Variants in KIAA2013 observed in about 807,000 individuals in gnomAD.
The protein encoded by KIAA2013 is uncharacterized protein KIAA2013.
Under a neutral mutation model 39.9 loss-of-function variants are expected in KIAA2013, and 20 were observed. The observed-to-expected ratio is 0.50, with a 90% CI of 0.35 to 0.73. KIAA2013 has a LOEUF of 0.73. Among genes scored for constraint, KIAA2013 ranks in the 30% least tolerant of loss-of-function variants. The pLI, the probability that KIAA2013 is intolerant of heterozygous loss-of-function variation, is 0.01. For synonymous variants in KIAA2013, 336 were observed against 416.6 expected (o/e 0.81, Z 2.35); for missense variants, 587 against 856.1 (o/e 0.69, Z 3.92).
At chr1:11,922,364 T>C in intron 2 of KIAA2013, 4 of 1,427,052 alleles carry the variant, frequency 2.8e-6, no homozygotes, top group Non-Finnish European at 3.7e-6. Flanking sequence ...TTGCAGTTAT[T>C]TTTAAATGCT....
Position 11,923,880 on chromosome 1 carries a change from T to G in KIAA2013, c.1034-391A>C, listed in dbSNP as rs1158571469. On this transcript the variant is annotated intron_variant, in intron 1 of 2. Coordinates refer to ENST00000376572, the MANE Select transcript of KIAA2013 (RefSeq NM_138346.3). The surrounding 1 kb of genome is among the most constrained non-coding windows in gnomAD (Gnocchi z 4.6). Reference sequence around the variant, plus strand: ...CTTGTAGCTTTATGTATGTATGTATTTATTTGTTTATTGAGACAGAGTCTC... The same window carrying G: ...CTTGTAGCTTTATGTATGTATGTATGTATTTGTTTATTGAGACAGAGTCTC... Among the ~76,000 whole-genome samples, 1 of 152,192 alleles carries G rather than the reference T, an allele frequency of 6.6e-6. No individual in the cohort carries two copies. Among genetic ancestry groups the G allele is most frequent in the African/African-American group, 2.4e-5 (1 of 41,440 alleles).
At chr1:11,920,822 C>A (rs1409110592) in intron 2 of KIAA2013, among the ~76,000 whole-genome samples, 1 of 152,232 alleles carries the variant, frequency 6.6e-6, no homozygotes, top group Non-Finnish European at 1.5e-5. Flanking sequence ...CTGTCTCCCA[C>A]TCTTCTGCTC....
intron 2 of KIAA2013, chr1:11,922,243 G>T: frequency 1.5e-6 from 1 of 669,678 alleles, no homozygotes; most frequent in Non-Finnish European, 2.1e-6. Context: ...CAGCTAGAGT[G>T]CAATGACACA....
Position 11,923,758 on chromosome 1 carries a change from G to T in KIAA2013, c.1034-269C>A, listed in dbSNP as rs1360424286. Among the ~76,000 whole-genome samples the T allele has an allele frequency of 2.6e-5, 4 of 152,188 alleles. No homozygotes were observed. Among genetic ancestry groups the T allele is most frequent in the Admixed American group, 6.5e-5 (1 of 15,276 alleles). On this transcript the variant is annotated intron_variant, in intron 1 of 2. Transcript: ENST00000376572. This position sits in a 1 kb window ranked among gnomAD's most constrained non-coding sequence, Gnocchi z 4.6. ...GGAACACAGACTTAGCCAGGACTTG[G>T]CACCAACCCTATGGTCAGACATCCT... is the stretch of plus-strand genomic sequence containing the variant.
chr1:11,923,594 A>G lies in KIAA2013; in HGVS notation c.1034-105T>C, dbSNP rs199954332. ...CAGAAGAGTGAGGTGTTGTGCCTTAATGATAAAGACAGTGGTGCCCATCTC... is the reference window on the plus strand; with the variant it reads ...CAGAAGAGTGAGGTGTTGTGCCTTAGTGATAAAGACAGTGGTGCCCATCTC... On this transcript the variant is annotated intron_variant, in intron 1 of 2. Transcript: ENST00000376572. This position sits in a 1 kb window ranked among gnomAD's most constrained non-coding sequence, Gnocchi z 4.6. 1.2e-5 allele frequency: 15 copies of G among 1,214,524 alleles called. No individual in the cohort carries two copies. The East Asian group carries it at 2.3e-4, about 19-fold the overall frequency. 75.2% of individuals were successfully genotyped at this position (1,214,524 alleles called of 1,614,324 possible). A position where few individuals can be genotyped will look rare whatever the true frequency, so the allele number is the denominator to read the frequency against.
rs571506794 is a variant in KIAA2013, at chr1:11,923,364, G to T, written c.1159C>A (p.Arg387=). 1 of 1,613,032 alleles carries T rather than the reference G, an allele frequency of 6.2e-7. No individual in the cohort carries two copies. The highest frequency in any genetic ancestry group is 8.5e-7 in the Non-Finnish European group (1 of 1,180,012). Residue 387 remains arginine (R), a synonymous_variant, in exon 2 of 3, where the codon CGA becomes AGA. Coordinates refer to ENST00000376572, the MANE Select transcript of KIAA2013 (RefSeq NM_138346.3). This position sits in a 1 kb window ranked among gnomAD's most constrained non-coding sequence, Gnocchi z 4.6. ...TTGAGCGTCGACTCCATCTGGTCTCGCTCCCTGTGGCTCAGGGAGGGGCTG... is the reference window on the plus strand; with the variant it reads ...TTGAGCGTCGACTCCATCTGGTCTCTCTCCCTGTGGCTCAGGGAGGGGCTG... ...LLSPSLSHRE[R]DQMESTLNYE...
At position 11,926,155 on chromosome 1, in the gene KIAA2013, A is replaced by G; in HGVS notation, c.83T>C (p.Leu28Pro). Residue 28 changes from leucine to proline, a missense_variant, in exon 1 of 3, where the codon CTC becomes CCC. By Grantham distance (98) the Leu-to-Pro change is moderately conservative. Coordinates refer to ENST00000376572, the MANE Select transcript of KIAA2013 (RefSeq NM_138346.3). ...CCCAAACCACAGAAGCAGCAGCAGG[A>G]GGCCAAGCAGGCAGAGGAGGCGGCG... is the stretch of plus-strand genomic sequence containing the variant. ...WARRLLCLLG[L>P]LLLLLWFGGS... 7.1e-7 allele frequency: 1 copy of G among 1,401,058 alleles called. No individual in the cohort carries two copies. The highest frequency in any genetic ancestry group is 9.3e-7 in the Non-Finnish European group (1 of 1,071,094). The allele number at this position is 1,401,058 out of a possible 1,614,324, so 86.8% of individuals were successfully genotyped here. A position where few individuals can be genotyped will look rare whatever the true frequency, so the allele number is the denominator to read the frequency against.
rs374802025 is a variant in KIAA2013 at position 11,923,440 on chromosome 1, G to A, written c.1083C>T (p.Thr361=). 39 of 1,610,614 alleles carry A rather than the reference G, an allele frequency of 2.4e-5. No individual in the cohort carries two copies. The highest frequency in any genetic ancestry group is 5.0e-5 in the Admixed American group (3 of 59,994). ...ITDTHTPSGL[T]VNLTLYYMLS... ...GCATGTAATAGAGCGTCAGGTTCAC[G>A]GTGAGGCCAGACGGCGTGTGGGTGT... Residue 361 remains threonine, a synonymous_variant, in exon 2 of 3, where the codon ACC becomes ACT. Transcript: ENST00000376572. The surrounding 1 kb of genome is among the most constrained non-coding windows in gnomAD (Gnocchi z 4.6).
At chr1:11,922,055 C>T (rs1285532771) in intron 2 of KIAA2013, 1 of 154,146 alleles carries the variant, frequency 6.5e-6, no homozygotes, top group Admixed American at 6.5e-5. Context: ...GTTATCCTGC[C>T]CAGGCTGGTC....
At chr1:11,924,315 T>A (rs1193628694) in intron 1 of KIAA2013, among the ~76,000 whole-genome samples, 5 of 142,170 alleles carry the variant, frequency 3.5e-5, no homozygotes, top group Non-Finnish European at 6.2e-5. Flanking sequence ...TGGCTTGAAC[T>A]CCTGACCTCA....
intron 2 of KIAA2013, 144 bp downstream of exon 2, chr1:11,922,492 G>A (rs765290483): frequency 7.0e-5 from 106 of 1,520,138 alleles, no homozygotes; most frequent in Middle Eastern, 1.7e-4. Flanking sequence ...ACTTGTGCGC[G>A]CTCTCTGGTG....
chr1:11,920,496 G>C (rs1645467924), intron 2 of KIAA2013, among the ~76,000 whole-genome samples, 164 bp from the exon 3 acceptor site: 1 of 152,210 alleles, frequency 6.6e-6, no homozygotes, highest in Admixed American at 6.5e-5. Flanking sequence ...CTGGAGCTGA[G>C]TGTTCACTGG....
chr1:11,926,256 C>G lies in KIAA2013; in HGVS notation c.-19G>C. ...GCCACATCGGGCCGCCAGGCGCGGG[C>G]AAGGGTGCGAGGGCGGCCGCCGGGC... On this transcript the variant is annotated 5_prime_UTR_variant, in exon 1 of 3. Coordinates refer to ENST00000376572, the MANE Select transcript of KIAA2013 (RefSeq NM_138346.3). 8.8e-7 allele frequency: 1 copy of G among 1,135,292 alleles called. No homozygotes were observed. The highest frequency in any genetic ancestry group is 1.1e-6 in the Non-Finnish European group (1 of 925,542). The allele number at this position is 1,135,292 out of a possible 1,614,324, so 70.3% of individuals were successfully genotyped here.
intron 2 of KIAA2013, 75 bp from the exon 3 acceptor site, chr1:11,920,407 G>T (rs1448427050): frequency 6.7e-7 from 1 of 1,487,684 alleles, no homozygotes; most frequent in Non-Finnish European, 9.4e-7. Flanking sequence ...ATAGGCTACG[G>T]AGACAACCCT....
In KIAA2013 at chr1:11,925,232, G is replaced by C; in HGVS notation, c.1006C>G (p.Leu336Val). The stretch of plus-strand genomic sequence containing the variant: ...GGGCTGAAGAGCTGAGCCCAGAGGA[G>C]CTGGTGGTCTTGAAGCAGCTCCGCC... ...PAAELLQDHQ[L>V]LWAQLFSPGV... Residue 336 changes from leucine (L) to valine (V), a missense_variant, in exon 1 of 3, where the codon CTC becomes GTC. Transcript: ENST00000376572. This position sits in a 1 kb window ranked among gnomAD's most constrained non-coding sequence, Gnocchi z 5.2. 6.3e-7 allele frequency: 1 copy of C among 1,598,592 alleles called. No homozygotes were observed. The highest frequency in any genetic ancestry group is 1.3e-5 in the African/African-American group (1 of 74,798).
At chr1:11,920,464 G>T in intron 2 of KIAA2013, 132 bp from the exon 3 acceptor site, 1 of 894,224 alleles carries the variant, frequency 1.1e-6, no homozygotes, top group Non-Finnish European at 1.9e-6. Context: ...GAATTACCAC[G>T]GACTCAGTGG....
chr1:11,923,969 G>C lies in KIAA2013; in HGVS notation c.1034-480C>G, dbSNP rs1645490329. On this transcript the variant is annotated intron_variant, in intron 1 of 2. Coordinates refer to ENST00000376572, the MANE Select transcript of KIAA2013 (RefSeq NM_138346.3). The surrounding 1 kb of genome is among the most constrained non-coding windows in gnomAD (Gnocchi z 4.6). ...AGGTTACTACAGCCTCCGCCTCCCGGGTTCAAGTGATTCTCCCGTCTCAGC... is the reference window on the plus strand; with the variant it reads ...AGGTTACTACAGCCTCCGCCTCCCGCGTTCAAGTGATTCTCCCGTCTCAGC... Among the ~76,000 whole-genome samples the C allele has an allele frequency of 6.6e-6, 1 of 152,062 alleles. No individual in the cohort carries two copies. Among genetic ancestry groups the C allele is most frequent in the African/African-American group, 2.4e-5 (1 of 41,388 alleles).
Position 11,925,696 on chromosome 1 carries a change from G to C in KIAA2013, c.542C>G (p.Ser181Cys). 7 of 1,591,522 alleles carry C rather than the reference G, an allele frequency of 4.4e-6. No individual in the cohort carries two copies. The highest frequency in any genetic ancestry group is 6.0e-6 in the Non-Finnish European group (7 of 1,173,472). The part of the protein sequence containing the change: ...PASVSGLAAG[S>C]GRDCVLLQED... ...TTGCAGCAGCACGCAGTCGCGGCCGGACCCCGCGGCAAGGCCAGAGACGGA... is the reference window on the plus strand; with the variant it reads ...TTGCAGCAGCACGCAGTCGCGGCCGCACCCCGCGGCAAGGCCAGAGACGGA... The change falls in exon 1 of 3, where the codon TCC becomes TGC. Residue 181 changes from serine to cysteine, a missense_variant. Coordinates refer to ENST00000376572, the MANE Select transcript of KIAA2013 (RefSeq NM_138346.3). This position sits in a 1 kb window ranked among gnomAD's most constrained non-coding sequence, Gnocchi z 5.2.
At chr1:11,920,465 G>A in intron 2 of KIAA2013, 133 bp from the exon 3 acceptor site, 1 of 896,482 alleles carries the variant, frequency 1.1e-6, no homozygotes, top group Non-Finnish European at 1.8e-6. Flanking sequence ...AATTACCACG[G>A]ACTCAGTGGC....
Sources: allele counts gnomAD v4.1 joint callset (sites outside exome capture counted in the v4.1 genomes callset), GRCh38; gene constraint gnomAD v4.1.1; non-coding constraint Gnocchi (gnomAD v3.1); transcripts MANE v1.5; gene names NCBI Gene and HGNC (gene_info 2026-07-23, HGNC 2026-07-21).